PHACTR3: variants seen among roughly 807,000 people sequenced by gnomAD.
PHACTR3 encodes the protein phosphatase and actin regulator 3.
In PHACTR3, 16 loss-of-function variants were observed where a neutral mutation model predicts 66.8. The observed-to-expected ratio is 0.24, with a 90% CI of 0.16 to 0.36. PHACTR3 has a LOEUF of 0.36. PHACTR3 is among the 10% of genes least tolerant of loss of function. The probability of loss-of-function intolerance (pLI) is 1.00; values close to 1 mark genes in which losing one functional copy is unlikely to be tolerated. For missense variants in PHACTR3, 647 were observed against 719.9 expected (o/e 0.90, Z 1.16); for synonymous variants, 323 against 292.1 (o/e 1.11, Z -1.08).
In PHACTR3 at chr20:59,728,353, A is replaced by T. The variant is rs150425413; in HGVS notation, c.119-14754A>T. Among the ~76,000 whole-genome samples the T allele has an allele frequency of 1.9e-3, 293 of 152,192 alleles. 2 individuals are homozygous for T. Among genetic ancestry groups the T allele is most frequent in the African/African-American group, 6.6e-3 (273 of 41,530 alleles). On this transcript the variant is annotated intron_variant, in intron 1 of 12. Transcript: ENST00000371015. Reference sequence around the variant, plus strand: ...TGGAAAACAATTGGGTGGTTCTTGGAAATGTGAAATATAGGATTACTGTAT... The same window carrying T: ...TGGAAAACAATTGGGTGGTTCTTGGTAATGTGAAATATAGGATTACTGTAT...
intron 7 of PHACTR3, among the ~76,000 whole-genome samples, chr20:59,781,985 G>A (rs2040741989): frequency 6.6e-6 from 1 of 152,226 alleles, no homozygotes; most frequent in South Asian, 2.1e-4. Context: ...ACACACCCTT[G>A]CTATGTATTC....
intron 1 of PHACTR3, 31 bp downstream of exon 1, chr20:59,605,163 T>C: frequency 1.3e-4 from 86 of 686,818 alleles, no homozygotes; most frequent in Non-Finnish European, 1.7e-4. Flanking sequence ...GGCGGGCGGG[T>C]CGGGGAGGCC....
intron 1 of PHACTR3, among the ~76,000 whole-genome samples, chr20:59,634,448 A>G: frequency 6.6e-6 from 1 of 152,162 alleles, no homozygotes; most frequent in East Asian, 1.9e-4. Context: ...ACAGGTTAGG[A>G]GTGTTGGCCG....
chr20:59,681,064 C>T (rs2036625878), intron 1 of PHACTR3, among the ~76,000 whole-genome samples: 1 of 152,224 alleles, frequency 6.6e-6, no homozygotes, highest in Non-Finnish European at 1.5e-5. Flanking sequence ...CAGGCTGCCT[C>T]CTTGTTTTTT....
At chr20:59,685,878 A>G (rs2146557863) in intron 1 of PHACTR3, among the ~76,000 whole-genome samples, 1 of 152,240 alleles carries the variant, frequency 6.6e-6, no homozygotes, top group African/African-American at 2.4e-5. Context: ...CTTGCCCATC[A>G]TGAGGGGGCA....
intron 12 of PHACTR3, among the ~76,000 whole-genome samples, chr20:59,845,742 T>C (rs534505656): frequency 1.2e-4 from 18 of 152,274 alleles, no homozygotes; most frequent in South Asian, 1.0e-3. Context: ...CAGTAAATAT[T>C]TGAGTAAGTG....
chr20:59,680,483 C>T (rs1009827065), intron 1 of PHACTR3, among the ~76,000 whole-genome samples: 7 of 152,134 alleles, frequency 4.6e-5, no homozygotes, highest in Admixed American at 1.3e-4. Context: ...CAACCGCCTG[C>T]GAACATCATG....
chr20:59,645,577 G>T (rs1485937661), intron 1 of PHACTR3, among the ~76,000 whole-genome samples: 3 of 152,054 alleles, frequency 2.0e-5, no homozygotes, highest in African/African-American at 7.2e-5. Context: ...TTCTGAGCGT[G>T]CTCATCACCA....
chr20:59,582,423 C>T (rs1054745648), intron 1 of PHACTR3, among the ~76,000 whole-genome samples: 17 of 152,136 alleles, frequency 1.1e-4, no homozygotes, highest in Admixed American at 5.9e-4. Context: ...GCACTGAGCA[C>T]GTCTGTACAA....
intron 1 of PHACTR3, among the ~76,000 whole-genome samples, chr20:59,692,134 A>G (rs1184724464): frequency 6.6e-6 from 1 of 152,206 alleles, no homozygotes; most frequent in Non-Finnish European, 1.5e-5. Flanking sequence ...AAGTTCTTTC[A>G]GAGGGGTTGG....
chr20:59,588,135 A>G (rs1452671221), intron 1 of PHACTR3, among the ~76,000 whole-genome samples: 1 of 152,198 alleles, frequency 6.6e-6, no homozygotes, highest in Non-Finnish European at 1.5e-5. Flanking sequence ...TAAGTGGCTG[A>G]GGGCTGCTTG....
chr20:59,819,725 C>T (rs1411097572), intron 8 of PHACTR3, among the ~76,000 whole-genome samples: 4 of 151,622 alleles, frequency 2.6e-5, no homozygotes, highest in Admixed American at 6.6e-5. Context: ...ACTGGCCACC[C>T]GTCAACTGAG....
At position 59,682,656 on chromosome 20, in the gene PHACTR3, C is replaced by T. The variant is rs369064603; in HGVS notation, c.119-60451C>T. ...TGGAGTGTCAGGATTGGCATCATTA[C>T]GGAGGTGACATTTGAGCAAAGCCGT... On this transcript the variant is annotated intron_variant, in intron 1 of 12. Transcript: ENST00000371015. Among the ~76,000 whole-genome samples, 6 of 152,164 alleles carry T rather than the reference C, an allele frequency of 3.9e-5. No individual in the cohort carries two copies. The South Asian group carries it at 8.3e-4, about 21-fold the overall frequency.
rs559639065 is a variant in PHACTR3, at chr20:59,830,060, C to T, written c.1329-6445C>T. Among the ~76,000 whole-genome samples, 5 of 152,236 alleles carry T rather than the reference C, an allele frequency of 3.3e-5. No individual in the cohort carries two copies. Among genetic ancestry groups the T allele is most frequent in the South Asian group, 2.1e-4 (1 of 4,822 alleles). On this transcript the variant is annotated intron_variant, in intron 8 of 12. Transcript: ENST00000371015. This position sits in a 1 kb window ranked among gnomAD's most constrained non-coding sequence, Gnocchi z 5.8. Reference sequence around the variant, plus strand: ...TCAGCTGAGCAGTGTGTGCAGAGGACGATTCAGAAACTGGTACAAACTTGG... The same window carrying T: ...TCAGCTGAGCAGTGTGTGCAGAGGATGATTCAGAAACTGGTACAAACTTGG...
In PHACTR3 at chr20:59,605,150, G is replaced by A; in HGVS notation, c.118+18G>A. 1 of 1,299,436 alleles carries A rather than the reference G, an allele frequency of 7.7e-7. No individual in the cohort carries two copies. Among genetic ancestry groups the A allele is most frequent in the Non-Finnish European group, 9.9e-7 (1 of 1,014,344 alleles). 80.5% of individuals were successfully genotyped at this position (1,299,436 alleles called of 1,614,324 possible). ...GAACCCAGGTAACGGGCTGGGCGGG[G>A]GCGGCGGGCGGGTCGGGGAGGCCCG... On this transcript the variant is annotated intron_variant, in intron 1 of 12. Transcript: ENST00000371015.
intron 1 of PHACTR3, among the ~76,000 whole-genome samples, chr20:59,739,361 G>A (rs568046550): frequency 4.6e-5 from 7 of 152,224 alleles, no homozygotes; most frequent in Admixed American, 1.3e-4. Context: ...TTTTCATACT[G>A]CTACAAAGTG....
intron 1 of PHACTR3, among the ~76,000 whole-genome samples, chr20:59,683,751 T>C (rs917263870): frequency 7.2e-5 from 11 of 152,184 alleles, no homozygotes; most frequent in African/African-American, 2.7e-4. Context: ...CTCTTGAAGT[T>C]CTTGGAAGAT....
intron 7 of PHACTR3, 71 bp from the exon 8 acceptor site, chr20:59,805,970 C>A: frequency 6.6e-7 from 1 of 1,513,732 alleles, no homozygotes; most frequent in Non-Finnish European, 8.9e-7. Context: ...GCTCCATTGA[C>A]AAGCCAGCCC....
chr20:59,746,237 C>A (rs1272491298), intron 2 of PHACTR3, among the ~76,000 whole-genome samples: 2 of 152,218 alleles, frequency 1.3e-5, no homozygotes, highest in African/African-American at 4.8e-5. Flanking sequence ...AGGGAAGCCA[C>A]CCGGGAGGTC....
Sources: gnomAD v4.1 joint callset for allele counts (sites outside exome capture counted in the v4.1 genomes callset) on GRCh38, gnomAD v4.1.1 for gene constraint, Gnocchi (gnomAD v3.1) non-coding constraint, MANE v1.5 for transcripts, NCBI Gene and HGNC (gene_info 2026-07-23, HGNC 2026-07-21) for gene names.